Variants in SV2A observed in about 807,000 individuals in gnomAD.
The protein encoded by SV2A is synaptic vesicle glycoprotein 2A, also known as solute carrier family 22 member B1.
Under a neutral mutation model 78.0 loss-of-function variants are expected in SV2A, and 25 were observed. The ratio of observed to expected loss-of-function variants is 0.32; its 90% CI spans 0.23 to 0.45. The LOEUF is 0.45. SV2A is among the 20% of genes least tolerant of loss of function. The probability of loss-of-function intolerance (pLI) is 1.00; values close to 1 mark genes in which losing one functional copy is unlikely to be tolerated. For synonymous variants in SV2A, 355 were observed against 384.7 expected, an observed-to-expected ratio of 0.92 and a Z score of 0.90; for missense variants, 752 against 971.5, an observed-to-expected ratio of 0.77 and a Z score of 3.00.
chr1:149,908,884 C>T (rs782061743), intron 8 of SV2A, among the ~76,000 whole-genome samples: 5 of 152,224 alleles, frequency 3.3e-5, no homozygotes, highest in Non-Finnish European at 5.9e-5. Context: ...CCGCCCGCCT[C>T]GTCCTCCCAA....
chr1:149,907,385 C>G (rs1222674664), intron 10 of SV2A, among the ~76,000 whole-genome samples: 3 of 152,088 alleles, frequency 2.0e-5, no homozygotes, highest in African/African-American at 7.2e-5. Flanking sequence ...GATTGTTTTT[C>G]TTTTTCCCAA....
intron 1 of SV2A, among the ~76,000 whole-genome samples, chr1:149,916,269 C>G (rs2092513273): frequency 6.6e-6 from 1 of 152,220 alleles, no homozygotes; most frequent in South Asian, 2.1e-4. Flanking sequence ...GGAAGCCTTC[C>G]ACAACCACAG....
intron 10 of SV2A, among the ~76,000 whole-genome samples, chr1:149,907,461 A>C (rs1553762934): frequency 6.6e-6 from 1 of 152,178 alleles, no homozygotes; most frequent in Non-Finnish European, 1.5e-5. Flanking sequence ...CTGAGTTATA[A>C]TTTCAGCCAA....
rs1224279304 is a variant in SV2A at position 149,913,682 on chromosome 1, A to C, written c.159T>G (p.Asp53Glu). The C allele has an allele frequency of 2.9e-5, 47 of 1,613,776 alleles. No homozygotes were observed. The highest frequency in any genetic ancestry group is 2.5e-4 in the Admixed American group (15 of 59,996). Residue 53 changes from aspartate (D) to glutamate (E), a missense_variant, in exon 2 of 13, where the codon GAT becomes GAG. Asp to Glu is a conservative substitution (Grantham distance 45). Around this residue, in one of 7 missense-constraint regions of SV2A, gnomAD observed 291 missense variants for 359.5 expected, o/e 0.81. Coordinates refer to ENST00000369146, the MANE Select transcript of SV2A (RefSeq NM_014849.5). Reference sequence around the variant, plus strand: ...TGGGAGCAGGGAAGTCATCATCATCATCCTCCTCCTCAAAGCGGGAGTACG... The same window carrying C: ...TGGGAGCAGGGAAGTCATCATCATCCTCCTCCTCCTCAAAGCGGGAGTACG... ...RRSYSRFEEE[D>E]DDDDFPAPSD... is the part of the protein sequence containing the mutation.
At position 149,905,738 on chromosome 1, in the gene SV2A, C is replaced by T. The variant is rs587699382; in HGVS notation, c.2045+142G>A. 4.2e-4 allele frequency: 519 copies of T among 1,222,386 alleles called. 2 individuals are homozygous for T. Among genetic ancestry groups the T allele is most frequent in the African/African-American group, 2.7e-3 (180 of 66,336 alleles). 75.7% of individuals were successfully genotyped at this position (1,222,386 alleles called of 1,614,324 possible). The stretch of plus-strand genomic sequence containing the variant: ...GATTACAGGCATGAGTCACCGTGCC[C>T]GGCCAAAGCTACCAGATTTTAGAGG... On this transcript the variant is annotated intron_variant, in intron 12 of 12. Transcript: ENST00000369146.
chr1:149,916,348 A>G (rs1368052558), intron 1 of SV2A, among the ~76,000 whole-genome samples: 1 of 152,240 alleles, frequency 6.6e-6, no homozygotes, highest in East Asian at 1.9e-4. Context: ...AGAGAAAGAA[A>G]GAAGACAAAT....
chr1:149,912,917 G>A (rs1221450148), intron 2 of SV2A, among the ~76,000 whole-genome samples: 4 of 152,052 alleles, frequency 2.6e-5, no homozygotes, highest in African/African-American at 4.8e-5. Flanking sequence ...ACATTAAATG[G>A]TAGGGACCAT....
At position 149,909,448 on chromosome 1, in the gene SV2A, C is replaced by T. The variant is rs782476563; in HGVS notation, c.1290+13G>A. The T allele has an allele frequency of 2.4e-5, 39 of 1,608,172 alleles. No homozygotes were observed. The highest frequency in any genetic ancestry group is 2.1e-4 in the South Asian group (19 of 90,942). Reference sequence around the variant, plus strand: ...CCCCACTCCCTTCTATCTACCACCCCGTCCACCATTACCTGCCCCCCTAGG... The same window carrying T: ...CCCCACTCCCTTCTATCTACCACCCTGTCCACCATTACCTGCCCCCCTAGG... On this transcript the variant is annotated intron_variant, in intron 7 of 12. Transcript: ENST00000369146.
At chr1:149,911,761 C>A (rs1553763804) in intron 3 of SV2A, 39 bp downstream of exon 3, 25 of 1,595,594 alleles carry the variant, frequency 1.6e-5, no homozygotes, top group South Asian at 9.1e-5. Context: ...GACCAAGGCA[C>A]AGTCCTGCCC....
chr1:149,913,993 C>G lies in SV2A; in HGVS notation c.-153G>C, dbSNP rs1421649678. Reference sequence around the variant, plus strand: ...CTCTGGGCACAAAAAAAAGAGCAAACAGGTCCTAGCCAATGAGTGCCTAGG... The same window carrying G: ...CTCTGGGCACAAAAAAAAGAGCAAAGAGGTCCTAGCCAATGAGTGCCTAGG... On this transcript the variant is annotated 5_prime_UTR_variant, in exon 2 of 13. Transcript: ENST00000369146. The G allele has an allele frequency of 9.9e-6, 12 of 1,209,550 alleles. No homozygotes were observed. In the East Asian group the frequency reaches 3.0e-4, roughly 30 times the overall value. 74.9% of individuals were successfully genotyped at this position (1,209,550 alleles called of 1,614,324 possible).
At position 149,905,860 on chromosome 1, in the gene SV2A, C is replaced by T; in HGVS notation, c.2045+20G>A. The T allele has an allele frequency of 1.2e-6, 2 of 1,613,704 alleles. No individual in the cohort carries two copies. Among genetic ancestry groups the T allele is most frequent in the Non-Finnish European group, 1.7e-6 (2 of 1,179,738 alleles). On this transcript the variant is annotated intron_variant, in intron 12 of 12. Transcript: ENST00000369146. The stretch of plus-strand genomic sequence containing the variant: ...CCCTCCCCTGAATCCACTGCCCTGC[C>T]TCCAACACATTCCAACTACCTCTTG...
At chr1:149,908,564 C>G (rs2092453988) in intron 8 of SV2A, among the ~76,000 whole-genome samples, 1 of 152,200 alleles carries the variant, frequency 6.6e-6, no homozygotes, top group Non-Finnish European at 1.5e-5. Context: ...CCACCCCAGC[C>G]CAAGCCCCAA....
rs782318663 is a variant in SV2A at position 149,908,086 on chromosome 1, C to G, written c.1500G>C (p.Thr500=). Residue 500 remains threonine, a synonymous_variant, in exon 9 of 13, where the codon ACG becomes ACC. Transcript: ENST00000369146. ...ERVEHVTFNF[T]LENQIHRGGQ... ...CGCCTCGGTGGATCTGATTCTCCAA[C>G]GTGAAGTTAAAAGTTACATGCTCTA... is the stretch of plus-strand genomic sequence containing the variant. 1 of 1,614,116 alleles carries G rather than the reference C, an allele frequency of 6.2e-7. No individual in the cohort carries two copies. The highest frequency in any genetic ancestry group is 1.1e-5 in the South Asian group (1 of 91,082).
At chr1:149,906,570 C>T in intron 11 of SV2A, 80 bp downstream of exon 11, 2 of 1,469,780 alleles carry the variant, frequency 1.4e-6, no homozygotes, top group Non-Finnish European at 1.9e-6. Context: ...TCTTCCACAG[C>T]CCAAGGTGAG....
chr1:149,909,252 C>CCAAA lies in SV2A; in HGVS notation c.1315_1318dup (p.Gly440ValfsTer32). ...CAGAGTGATGCGCCGATATTCGGGA[C>CCAAA]CAAAACAGGAGAGAAAATTCCCCCA... On this transcript the variant is annotated frameshift_variant, in exon 8 of 13. Coordinates refer to ENST00000369146, the MANE Select transcript of SV2A (RefSeq NM_014849.5). LOFTEE classifies it high-confidence loss of function. The CCAAA allele has an allele frequency of 6.2e-7, 1 of 1,614,042 alleles. No individual in the cohort carries two copies. Among genetic ancestry groups the CCAAA allele is most frequent in the Non-Finnish European group, 8.5e-7 (1 of 1,180,024 alleles).
intron 3 of SV2A, among the ~76,000 whole-genome samples, chr1:149,911,522 A>G (rs2092475212): frequency 6.6e-6 from 1 of 152,206 alleles, no homozygotes. Flanking sequence ...GAGGCCCACT[A>G]GGCCTCTTTG....
Position 149,909,245 on chromosome 1 carries a change from T to C in SV2A, c.1326A>G (p.Glu442=), listed in dbSNP as rs370844324. Residue 442 remains glutamate, a synonymous_variant, in exon 8 of 13, where the codon GAA becomes GAG. Coordinates refer to ENST00000369146, the MANE Select transcript of SV2A (RefSeq NM_014849.5). ...TCATCATCAGAGTGATGCGCCGATA[T>C]TCGGGACCAAAACAGGAGAGAAAAT... ...WGNFLSCFGP[E]YRRITLMMMG... 4 of 1,613,960 alleles carry C rather than the reference T, an allele frequency of 2.5e-6. No individual in the cohort carries two copies. In the African/African-American group the frequency reaches 5.3e-5, roughly 22 times the overall value.
In SV2A at chr1:149,914,075, GA is replaced by G; in HGVS notation, c.-236del. The stretch of plus-strand genomic sequence containing the variant: ...TACCCAGTTCAGTTGGGTGGATGGG[GA>G]AGGGACAGGGGGAGCAGGGGAATGG... On this transcript the variant is annotated 5_prime_UTR_variant, in exon 2 of 13. Transcript: ENST00000369146. The G allele has an allele frequency of 2.1e-6, 1 of 484,808 alleles. No individual in the cohort carries two copies. Among genetic ancestry groups the G allele is most frequent in the African/African-American group, 1.9e-5 (1 of 51,942 alleles). 30.0% of individuals were successfully genotyped at this position (484,808 alleles called of 1,614,324 possible). A position where few individuals can be genotyped will look rare whatever the true frequency, so the allele number is the denominator to read the frequency against.
chr1:149,907,936 C>A, intron 9 of SV2A, 103 bp from the exon 10 acceptor site: 1 of 1,570,892 alleles, frequency 6.4e-7, no homozygotes. Context: ...TGAGAAGAAA[C>A]CACAAGTGTT....
Sources: gnomAD v4.1 joint callset for allele counts (sites outside exome capture counted in the v4.1 genomes callset) on GRCh38, gnomAD v4.1.1 for gene constraint, gnomAD v4.1.1 regional missense constraint, MANE v1.5 for transcripts, NCBI Gene and HGNC (gene_info 2026-07-23, HGNC 2026-07-21) for gene names.